Variants in BNIP1 observed in about 807,000 individuals in gnomAD.
BNIP1 encodes the protein BCL2 interacting protein 1.
In BNIP1, 25 loss-of-function variants were observed where a neutral mutation model predicts 28.5. The ratio of observed to expected loss-of-function variants is 0.88; its 90% CI spans 0.64 to 1.23. The LOEUF is 1.23. Ranked by LOEUF, BNIP1 falls within the 50% of genes most tolerant of loss-of-function variation. The probability of loss-of-function intolerance (pLI) is 0.00; values close to 1 mark genes in which losing one functional copy is unlikely to be tolerated. For synonymous variants in BNIP1, 118 were observed against 101.7 expected, an observed-to-expected ratio of 1.16 and a Z score of -0.96; for missense variants, 276 against 277.0, an observed-to-expected ratio of 1.00 and a Z score of 0.02.
chr5:173,156,045 G>A (rs1760176454), intron 3 of BNIP1, among the ~76,000 whole-genome samples: 3 of 152,244 alleles, frequency 2.0e-5, no homozygotes, highest in Admixed American at 6.5e-5. Flanking sequence ...GTATGTAACA[G>A]TCAGCTGTCA....
chr5:173,158,486 T>A (rs1258230827), intron 3 of BNIP1, among the ~76,000 whole-genome samples: 2 of 152,212 alleles, frequency 1.3e-5, no homozygotes, highest in Non-Finnish European at 2.9e-5. Flanking sequence ...CACAGCCCCT[T>A]GGGCTGACGG....
At chr5:173,148,077 AAAAAAAATATATAT>A (rs1328209570) in intron 2 of BNIP1, among the ~76,000 whole-genome samples, 1 of 47,828 alleles carries the variant, frequency 2.1e-5, no homozygotes, top group Non-Finnish European at 3.7e-5. Context: ...AAAAAAAAAA[AAAAAAAATATATAT>A]ATATATATAT....
chr5:173,144,749 GC>G, intron 1 of BNIP1, 120 bp downstream of exon 1: 1 of 1,038,012 alleles, frequency 9.6e-7, no homozygotes, highest in Non-Finnish European at 1.4e-6. Flanking sequence ...CACAGGCTCC[GC>G]CCCATGGTCG....
intron 1 of BNIP1, among the ~76,000 whole-genome samples, 161 bp from the exon 2 acceptor site, chr5:173,146,705 A>T (rs180830092): frequency 7.5e-4 from 114 of 152,320 alleles, no homozygotes; most frequent in Non-Finnish European, 1.3e-3. Context: ...GTAAATGATA[A>T]TGTTTTTGCT....
At chr5:173,148,086 ATATATATATATATATATATATAT>A (rs1759910165) in intron 2 of BNIP1, among the ~76,000 whole-genome samples, 299 of 23,126 alleles carry the variant, frequency 0.013, 56 homozygotes, top group African/African-American at 0.061. Flanking sequence ...AAAAAAAAAT[ATATATATATATATATATATATAT>A]ATATATATAT....
intron 2 of BNIP1, among the ~76,000 whole-genome samples, chr5:173,150,502 G>A (rs865998620): frequency 1.1e-4 from 17 of 152,104 alleles, no homozygotes; most frequent in African/African-American, 3.6e-4. Context: ...TTTCAGCAGC[G>A]TCACCATACC....
At chr5:173,159,444 A>G (rs764928998) in intron 4 of BNIP1, among the ~76,000 whole-genome samples, 7 of 151,354 alleles carry the variant, frequency 4.6e-5, no homozygotes, top group African/African-American at 1.2e-4. Context: ...ATAAAATTTC[A>G]TATTCTGCTG....
intron 4 of BNIP1, 59 bp downstream of exon 4, chr5:173,158,904 T>A: frequency 7.5e-7 from 1 of 1,326,674 alleles, no homozygotes; most frequent in Non-Finnish European, 1.0e-6. Context: ...TGGCAAGGTG[T>A]AGGAAACCCC....
At chr5:173,148,083 AATATATATATATATATAT>A (rs70984952) in intron 2 of BNIP1, among the ~76,000 whole-genome samples, 1,320 of 39,944 alleles carry the variant, frequency 0.033, 59 homozygotes, top group Middle Eastern at 0.062. Context: ...AAAAAAAAAA[AATATATATATATATATAT>A]ATATATATAT....
intron 2 of BNIP1, 78 bp downstream of exon 2, chr5:173,147,036 C>A: frequency 9.2e-7 from 1 of 1,087,778 alleles, no homozygotes; most frequent in Non-Finnish European, 1.4e-6. Flanking sequence ...CTGGGTTCTT[C>A]AAACACCAGC....
In BNIP1 at chr5:173,158,860, A is replaced by C. The variant is rs1364479616; in HGVS notation, c.371+15A>C. Reference sequence around the variant, plus strand: ...TTAAGGCAAAGGTACCTATTCTTTTATTTTTCTGGGCTCCGATAATAATAG... The same window carrying C: ...TTAAGGCAAAGGTACCTATTCTTTTCTTTTTCTGGGCTCCGATAATAATAG... On this transcript the variant is annotated intron_variant, in intron 4 of 5. Transcript: ENST00000351486. 2 of 1,596,444 alleles carry C rather than the reference A, an allele frequency of 1.3e-6. No individual in the cohort carries two copies.
chr5:173,148,083 A>AAAAAAT (rs1759906154), intron 2 of BNIP1, among the ~76,000 whole-genome samples: 2 of 40,300 alleles, frequency 5.0e-5, no homozygotes, highest in Admixed American at 4.5e-4. Flanking sequence ...AAAAAAAAAA[A>AAAAAAT]ATATATATAT....
At chr5:173,148,179 G>GTCTTAAAC (rs1420319632) in intron 2 of BNIP1, among the ~76,000 whole-genome samples, 3 of 132,056 alleles carry the variant, frequency 2.3e-5, no homozygotes, top group Non-Finnish European at 4.7e-5. Flanking sequence ...GCTTGAGCTG[G>GTCTTAAAC]TCTTAAACTC....
Position 173,154,402 on chromosome 5 carries a change from G to A in BNIP1, c.258G>A (p.Lys86=), listed in dbSNP as rs747454969. The A allele has an allele frequency of 4.3e-5, 70 of 1,613,298 alleles. No homozygotes were observed. Among genetic ancestry groups the A allele is most frequent in the Non-Finnish European group, 5.7e-5 (67 of 1,179,608 alleles). The change falls in exon 3 of 6, where the codon AAG becomes AAA. Residue 86 remains lysine, a synonymous_variant. Transcript: ENST00000351486. ...LLLQEVENHK[K]QMLSNQASWR... is the part of the protein sequence containing the mutation. Reference sequence around the variant, plus strand: ...TCCAGGAAGTGGAGAATCACAAAAAGCAGATGCTCAGGTAGGCAGGGCCTG... The same window carrying A: ...TCCAGGAAGTGGAGAATCACAAAAAACAGATGCTCAGGTAGGCAGGGCCTG...
chr5:173,163,593 C>G, intron 5 of BNIP1, 132 bp from the exon 6 acceptor site: 1 of 790,958 alleles, frequency 1.3e-6, no homozygotes, highest in Non-Finnish European at 1.9e-6. Flanking sequence ...CTGGTCTCCA[C>G]ATGCTTTGAT....
intron 3 of BNIP1, among the ~76,000 whole-genome samples, chr5:173,156,989 C>T (rs1227537193): frequency 6.6e-6 from 1 of 152,078 alleles, no homozygotes; most frequent in Non-Finnish European, 1.5e-5. Flanking sequence ...CAAAAAAAAC[C>T]AACTTTGGCA....
intron 2 of BNIP1, among the ~76,000 whole-genome samples, chr5:173,150,749 A>G (rs572240796): frequency 6.6e-6 from 1 of 152,290 alleles, no homozygotes; most frequent in South Asian, 2.1e-4. Flanking sequence ...ATTTAAAAAG[A>G]CAAATTTCTT....
chr5:173,163,281 G>C (rs985511725), intron 5 of BNIP1, among the ~76,000 whole-genome samples: 1 of 152,164 alleles, frequency 6.6e-6, no homozygotes, highest in Admixed American at 6.5e-5. Flanking sequence ...GCAAAGTGCC[G>C]GTCTGGCCAG....
At chr5:173,160,949 C>T in intron 5 of BNIP1, 2 of 444,434 alleles carry the variant, frequency 4.5e-6, no homozygotes, top group Admixed American at 5.1e-5. Flanking sequence ...CTCCAGGGTC[C>T]TTCAGTATAA....
Sources: allele counts gnomAD v4.1 joint callset (sites outside exome capture counted in the v4.1 genomes callset), GRCh38; gene constraint gnomAD v4.1.1; transcripts MANE v1.5; gene names NCBI Gene and HGNC (gene_info 2026-07-23, HGNC 2026-07-21).